The following SNTB2 variants were observed in gnomAD, a reference collection of about 807,000 sequenced individuals.
The protein encoded by SNTB2 is beta-2-syntrophin.
A neutral mutation model predicts 46.2 loss-of-function variants in SNTB2; 34 were observed. The ratio of observed to expected loss-of-function variants is 0.74; its 90% CI spans 0.56 to 0.98. The LOEUF is 0.98. Ranked by LOEUF, SNTB2 falls within the 50% of genes least tolerant of loss-of-function variation. The probability of loss-of-function intolerance (pLI) is 0.00; values close to 1 mark genes in which losing one functional copy is unlikely to be tolerated. For synonymous variants in SNTB2, 290 were observed against 312.6 expected (o/e 0.93, Z 0.76); for missense variants, 603 against 731.4 (o/e 0.82, Z 2.02).
chr16:69,252,540 T>C (rs1380481525), intron 2 of SNTB2, among the ~76,000 whole-genome samples: 1 of 152,234 alleles, frequency 6.6e-6, no homozygotes, highest in Non-Finnish European at 1.5e-5. Flanking sequence ...ATTGGCAATT[T>C]TCCATGTAAA....
intron 2 of SNTB2, among the ~76,000 whole-genome samples, chr16:69,248,247 G>C (rs749591306): frequency 1.3e-5 from 2 of 152,164 alleles, no homozygotes; most frequent in African/African-American, 4.8e-5. Flanking sequence ...GCTACATATA[G>C]GTTTATTTCT....
Position 69,200,061 on chromosome 16 carries a change from C to T in SNTB2, c.580+12315C>T, listed in dbSNP as rs111796511. On this transcript the variant is annotated intron_variant, in intron 1 of 6. Transcript: ENST00000336278. The stretch of plus-strand genomic sequence containing the variant: ...TCTTGAGTAGCTAGGACTACAGATG[C>T]GTGCCACCACACCCAGCTAATTTTT... Among the ~76,000 whole-genome samples the T allele has an allele frequency of 1.4e-3, 206 of 152,174 alleles. No individual in the cohort carries two copies. In the Middle Eastern group the frequency reaches 0.014, roughly 10 times the overall value.
intron 1 of SNTB2, among the ~76,000 whole-genome samples, chr16:69,217,881 A>AT (rs1440212069): frequency 6.6e-6 from 1 of 152,016 alleles, no homozygotes; most frequent in East Asian, 1.9e-4. Context: ...CTGAAAAAAA[A>AT]TTTTTTTTAG....
At chr16:69,191,931 G>A (rs879080887) in intron 1 of SNTB2, among the ~76,000 whole-genome samples, 6 of 152,096 alleles carry the variant, frequency 3.9e-5, no homozygotes, top group South Asian at 2.1e-4. Context: ...ATGAGCCACC[G>A]CACCTGGCCT....
chr16:69,219,251 G>A (rs1258884815), intron 1 of SNTB2, among the ~76,000 whole-genome samples: 1 of 152,126 alleles, frequency 6.6e-6, no homozygotes, highest in Admixed American at 6.6e-5. Flanking sequence ...ATTGATATTA[G>A]GAAAGATTAA....
At chr16:69,206,225 C>T (rs1964217165) in intron 1 of SNTB2, among the ~76,000 whole-genome samples, 1 of 152,130 alleles carries the variant, frequency 6.6e-6, no homozygotes, top group Non-Finnish European at 1.5e-5. Context: ...GTCTCGAACT[C>T]TTGGGCTCAA....
At chr16:69,276,640 G>T (rs905556705) in intron 4 of SNTB2, among the ~76,000 whole-genome samples, 1 of 152,172 alleles carries the variant, frequency 6.6e-6, no homozygotes, top group African/African-American at 2.4e-5. Flanking sequence ...CAGTAAAGCA[G>T]TTCTCAAAGT....
At chr16:69,275,008 C>CCCTTCCCTTCCCTT (rs1206822088) in intron 4 of SNTB2, among the ~76,000 whole-genome samples, 5 of 151,704 alleles carry the variant, frequency 3.3e-5, no homozygotes, top group Non-Finnish European at 7.4e-5. Context: ...CCCCTTCCCT[C>CCCTTCCCTTCCCTT]CCTTCCCTTC....
chr16:69,207,588 T>C (rs1400185156), intron 1 of SNTB2, among the ~76,000 whole-genome samples: 2 of 152,236 alleles, frequency 1.3e-5, no homozygotes, highest in Admixed American at 1.3e-4. Flanking sequence ...TTAAAAATAA[T>C]TTTTGATTTA....
intron 5 of SNTB2, among the ~76,000 whole-genome samples, chr16:69,294,422 T>C (rs1292988895): frequency 6.6e-6 from 1 of 152,106 alleles, no homozygotes. Context: ...GAAACTCTTA[T>C]CACTATAAAG....
At chr16:69,250,405 C>T (rs1298303929) in intron 2 of SNTB2, among the ~76,000 whole-genome samples, 1 of 152,130 alleles carries the variant, frequency 6.6e-6, no homozygotes, top group African/African-American at 2.4e-5. Flanking sequence ...TTTCCACAAG[C>T]CTTGCATTTC....
Position 69,302,931 on chromosome 16 carries a change from G to C in SNTB2, c.*2007G>C, listed in dbSNP as rs1046732591. Reference sequence around the variant, plus strand: ...GTCTCGTTCTGTCTCCCAGGCTGGAGTGCAGTGGCATGATCTCGGCTCACT... The same window carrying C: ...GTCTCGTTCTGTCTCCCAGGCTGGACTGCAGTGGCATGATCTCGGCTCACT... On this transcript the variant is annotated 3_prime_UTR_variant, in exon 7 of 7. Coordinates refer to ENST00000336278, the MANE Select transcript of SNTB2 (RefSeq NM_006750.4). The C allele has an allele frequency of 6.6e-6, 1 of 152,046 alleles. No homozygotes were observed. Among genetic ancestry groups the C allele is most frequent in the Non-Finnish European group, 1.5e-5 (1 of 68,106 alleles). The allele number at this position is 152,046 out of a possible 1,614,324, so 9.4% of individuals were successfully genotyped here. A position where few individuals can be genotyped will look rare whatever the true frequency, so the allele number is the denominator to read the frequency against.
intron 1 of SNTB2, among the ~76,000 whole-genome samples, chr16:69,237,603 C>CTTTTTT (rs397706857): frequency 0.1 from 12,303 of 118,026 alleles, 743 homozygotes; most frequent in Middle Eastern, 0.16. Context: ...TTCTTTCTTT[C>CTTTTTT]TTTTTTTTTT....
At chr16:69,190,204 ATGT>A (rs1964036921) in intron 1 of SNTB2, among the ~76,000 whole-genome samples, 1 of 152,202 alleles carries the variant, frequency 6.6e-6, no homozygotes, top group Admixed American at 6.5e-5. Context: ...AGGCTGTACC[ATGT>A]TGTCCTTCCA....
chr16:69,217,715 A>G (rs1009597655), intron 1 of SNTB2, among the ~76,000 whole-genome samples: 3 of 152,164 alleles, frequency 2.0e-5, no homozygotes, highest in Admixed American at 1.3e-4. Flanking sequence ...GCAGATGACA[A>G]GGGTTTTTAG....
At chr16:69,256,708 T>A in intron 2 of SNTB2, among the ~76,000 whole-genome samples, 1 of 152,228 alleles carries the variant, frequency 6.6e-6, no homozygotes, top group East Asian at 1.9e-4. Flanking sequence ...TTTGTTTATC[T>A]GTTCCTCCAT....
rs974335993 is a variant in SNTB2, at chr16:69,191,620, G to C, written c.580+3874G>C. ...AAGTTGAATGAAATGTCCAAGAAAG[G>C]TTTTATTTACTGGTGTTTTTTTATT... On this transcript the variant is annotated intron_variant, in intron 1 of 6. Coordinates refer to ENST00000336278, the MANE Select transcript of SNTB2 (RefSeq NM_006750.4). Among the ~76,000 whole-genome samples, 11 of 146,556 alleles carry C rather than the reference G, an allele frequency of 7.5e-5. No individual in the cohort carries two copies. In the Admixed American group the frequency reaches 7.5e-4, roughly 10 times the overall value.
At chr16:69,197,278 C>G (rs1478496076) in intron 1 of SNTB2, among the ~76,000 whole-genome samples, 1 of 151,858 alleles carries the variant, frequency 6.6e-6, no homozygotes, top group African/African-American at 2.4e-5. Flanking sequence ...TATTTTGGGT[C>G]AAGTGAGAGA....
At chr16:69,225,114 G>A (rs1346991390) in intron 1 of SNTB2, among the ~76,000 whole-genome samples, 1 of 152,192 alleles carries the variant, frequency 6.6e-6, no homozygotes, top group Non-Finnish European at 1.5e-5. Context: ...TAATAACAAT[G>A]AAGGCCTGGC....
Sources: gnomAD v4.1 joint callset for allele counts (sites outside exome capture counted in the v4.1 genomes callset) on GRCh38, gnomAD v4.1.1 for gene constraint, MANE v1.5 for transcripts, NCBI Gene and HGNC (gene_info 2026-07-23, HGNC 2026-07-21) for gene names.